RALB: variants seen among roughly 807,000 people sequenced by gnomAD.
The protein encoded by RALB is RAS like proto-oncogene B.
In RALB, 16 loss-of-function variants were observed where a neutral mutation model predicts 21.3. The ratio of observed to expected loss-of-function variants is 0.75; its 90% CI spans 0.51 to 1.14. The LOEUF is 1.14. RALB is among the 50% of genes most tolerant of loss of function. The probability of loss-of-function intolerance (pLI) is 0.00; values close to 1 mark genes in which losing one functional copy is unlikely to be tolerated. For missense variants in RALB, 161 were observed against 256.2 expected (o/e 0.63, Z 2.54); for synonymous variants, 93 against 96.1 (o/e 0.97, Z 0.19).
At chr2:120,261,352 G>T (rs1393522432) in intron 1 of RALB, among the ~76,000 whole-genome samples, 1 of 152,116 alleles carries the variant, frequency 6.6e-6, no homozygotes, top group Admixed American at 6.5e-5. Flanking sequence ...GCAGGAATGT[G>T]TACTCCATGA....
chr2:120,246,683 T>G (rs1285167749), intron 1 of RALB, among the ~76,000 whole-genome samples: 1 of 152,194 alleles, frequency 6.6e-6, no homozygotes, highest in Non-Finnish European at 1.5e-5. Flanking sequence ...GGTCAGCATG[T>G]AGGATAGGTG....
intron 1 of RALB, 28 bp from the exon 2 acceptor site, chr2:120,278,590 T>C: frequency 3.5e-6 from 5 of 1,417,882 alleles, no homozygotes; most frequent in Non-Finnish European, 3.7e-6. Context: ...GCAAATCGCC[T>C]CTAAGTCTTT....
At chr2:120,267,403 G>A (rs990285799) in intron 1 of RALB, among the ~76,000 whole-genome samples, 3 of 151,624 alleles carry the variant, frequency 2.0e-5, no homozygotes, top group Non-Finnish European at 2.9e-5. Flanking sequence ...GACATGGAAA[G>A]TTGAGTCATA....
intron 1 of RALB, among the ~76,000 whole-genome samples, chr2:120,242,322 G>A (rs1437820852): frequency 6.6e-6 from 1 of 152,210 alleles, no homozygotes. Context: ...GGATGGTGAT[G>A]ATGGCTGCAC....
At chr2:120,279,925 G>T (rs994315383) in intron 2 of RALB, among the ~76,000 whole-genome samples, 1 of 152,222 alleles carries the variant, frequency 6.6e-6, no homozygotes. Context: ...TTTGTGTTGG[G>T]CTGGGTTAGG....
At chr2:120,240,083 C>A (rs769061162) in exon 1 of RALB, 3 of 1,289,482 alleles carry the variant, frequency 2.3e-6, no homozygotes, top group Non-Finnish European at 3.0e-6. Context: ...AGCGGGAGAG[C>A]GGGTGGCAGG....
At chr2:120,279,403 C>T (rs964134716) in intron 2 of RALB, among the ~76,000 whole-genome samples, 2 of 151,768 alleles carry the variant, frequency 1.3e-5, no homozygotes, top group African/African-American at 4.8e-5. Context: ...CAGATTCAAG[C>T]AATGTAGAAT....
intron 1 of RALB, chr2:120,253,788 AAG>A: frequency 1.1e-6 from 1 of 885,956 alleles, no homozygotes; most frequent in Non-Finnish European, 1.4e-6. Flanking sequence ...TTGGCCGTGG[AAG>A]AGACTTGGCT....
chr2:120,264,395 A>G (rs1317623707), intron 1 of RALB, among the ~76,000 whole-genome samples: 1 of 151,976 alleles, frequency 6.6e-6, no homozygotes, highest in Non-Finnish European at 1.5e-5. Context: ...CAAGTGATCC[A>G]TCCACCTCCG....
chr2:120,278,810 T>TGA (rs762604783), intron 2 of RALB, 32 bp downstream of exon 2: 151 of 1,473,724 alleles, frequency 1.0e-4, no homozygotes, highest in Non-Finnish European at 1.3e-4. Context: ...CCACCTTCCT[T>TGA]TGGCATTGGC....
upstream of RALB, among the ~76,000 whole-genome samples, chr2:120,249,199 A>AT (rs543390071): frequency 1.7e-4 from 26 of 151,724 alleles, no homozygotes; most frequent in South Asian, 4.2e-3. Context: ...CGCCTGGCTA[A>AT]TTTTTTTGTA....
At chr2:120,284,652 G>A (rs777968330) in intron 2 of RALB, among the ~76,000 whole-genome samples, 3 of 152,046 alleles carry the variant, frequency 2.0e-5, no homozygotes, top group Admixed American at 6.6e-5. Flanking sequence ...TGCCTGCCCC[G>A]GCCTAAAGTG....
chr2:120,241,614 T>C (rs996422620), intron 1 of RALB, among the ~76,000 whole-genome samples: 2 of 152,152 alleles, frequency 1.3e-5, no homozygotes, highest in Admixed American at 6.6e-5. Context: ...TAATCCCAGC[T>C]ACTTGGCAGG....
upstream of RALB, chr2:120,252,744 GC>G (rs886679285): frequency 6.1e-4 from 600 of 977,314 alleles, 1 homozygote; most frequent in South Asian, 7.1e-4. Context: ...TTGGCTGACA[GC>G]CCCCCGACGG....
chr2:120,293,138 C>CA lies in RALB; in HGVS notation c.502-2dup, dbSNP rs756496170. 4 of 1,606,180 alleles carry CA rather than the reference C, an allele frequency of 2.5e-6. No homozygotes were observed. Among genetic ancestry groups the CA allele is most frequent in the Non-Finnish European group, 2.5e-6 (3 of 1,177,332 alleles). On this transcript the variant is annotated splice_region_variant and splice_polypyrimidine_tract_variant and intron_variant, in intron 4 of 4. Transcript: ENST00000272519. ...CTTTTTACTCTTTACTCCTCACCCC[C>CA]AGGTGTTCTTTGACCTAATGAGAGA...
chr2:120,259,668 C>T (rs1002533542), intron 1 of RALB, among the ~76,000 whole-genome samples: 19 of 152,276 alleles, frequency 1.2e-4, no homozygotes, highest in Admixed American at 6.5e-5. Context: ...CCACCAGACT[C>T]AGGAGCCCAG....
chr2:120,255,955 A>G (rs923261049), intron 1 of RALB, among the ~76,000 whole-genome samples: 1 of 104,340 alleles, frequency 9.6e-6, no homozygotes, highest in Non-Finnish European at 2.1e-5. Context: ...TGAAGGAAAT[A>G]TAGTAGTTTG....
chr2:120,245,227 G>GT (rs1688951960), intron 1 of RALB, among the ~76,000 whole-genome samples: 1 of 152,224 alleles, frequency 6.6e-6, no homozygotes, highest in African/African-American at 2.4e-5. Flanking sequence ...GGGTGGGAAG[G>GT]TGGTGGACTG....
intron 1 of RALB, among the ~76,000 whole-genome samples, chr2:120,255,687 T>C (rs1165193029): frequency 6.6e-6 from 1 of 152,208 alleles, no homozygotes; most frequent in African/African-American, 2.4e-5. Context: ...CTAGAAGCAA[T>C]TGCAAAATTC....
Sources: gnomAD v4.1 joint callset for allele counts (sites outside exome capture counted in the v4.1 genomes callset) on GRCh38, gnomAD v4.1.1 for gene constraint, MANE v1.5 for transcripts, NCBI Gene and HGNC (gene_info 2026-07-23, HGNC 2026-07-21) for gene names.